SLC35F4: variants seen among roughly 807,000 people sequenced by gnomAD.
The protein encoded by SLC35F4 is solute carrier family 35 member F4, also known as chromosome 14 open reading frame 36.
A neutral mutation model predicts 44.2 loss-of-function variants in SLC35F4; 24 were observed. That is an observed-to-expected ratio of 0.54 (90% confidence interval 0.39 to 0.76). The LOEUF (loss-of-function observed/expected upper bound fraction) is 0.76. SLC35F4 is among the 30% of genes least tolerant of loss of function. The pLI is 0.00. For missense variants in SLC35F4, 562 were observed against 586.1 expected (o/e 0.96, Z 0.42); for synonymous variants, 238 against 223.6 (o/e 1.06, Z -0.57).
At chr14:57,630,465 G>A in intron 1 of SLC35F4, 3 of 838,648 alleles carry the variant, frequency 3.6e-6, no homozygotes, top group Non-Finnish European at 6.2e-6. Flanking sequence ...CAGCCCAAGA[G>A]AGAAATGAAG....
intron 1 of SLC35F4, among the ~76,000 whole-genome samples, chr14:57,769,745 T>C (rs2077317508): frequency 6.6e-6 from 1 of 152,206 alleles, no homozygotes; most frequent in African/African-American, 2.4e-5. Context: ...GGATACTTTA[T>C]ACAATGTTTC....
chr14:57,680,623 CG>C (rs2074866167), intron 1 of SLC35F4, among the ~76,000 whole-genome samples: 1 of 152,072 alleles, frequency 6.6e-6, no homozygotes, highest in South Asian at 2.1e-4. Context: ...GAAAACCCCA[CG>C]GCCTCAGCCC....
chr14:57,767,987 A>T (rs1437250185), intron 1 of SLC35F4, among the ~76,000 whole-genome samples: 1 of 152,202 alleles, frequency 6.6e-6, no homozygotes, highest in Non-Finnish European at 1.5e-5. Context: ...TCCTATTACC[A>T]TTACAGAAAC....
Position 57,564,091 on chromosome 14 carries a change from A to G in SLC35F4, c.*44T>C. Reference sequence around the variant, plus strand: ...ACAGGTAGTGAGAAAATTTTGTTATATTCACAGAATATACATACACGTGCA... The same window carrying G: ...ACAGGTAGTGAGAAAATTTTGTTATGTTCACAGAATATACATACACGTGCA... On this transcript the variant is annotated 3_prime_UTR_variant, in exon 8 of 8. Coordinates refer to ENST00000556826, the MANE Select transcript of SLC35F4 (RefSeq NM_001306087.2). The G allele has an allele frequency of 6.2e-7, 1 of 1,601,018 alleles. No homozygotes were observed. The highest frequency in any genetic ancestry group is 8.5e-7 in the Non-Finnish European group (1 of 1,170,858).
At chr14:57,583,411 A>C (rs1247583976) in intron 3 of SLC35F4, among the ~76,000 whole-genome samples, 1 of 152,144 alleles carries the variant, frequency 6.6e-6, no homozygotes, top group Non-Finnish European at 1.5e-5. Flanking sequence ...CCACAACAAA[A>C]CCCATTCCTG....
intron 1 of SLC35F4, among the ~76,000 whole-genome samples, chr14:57,618,827 G>A (rs2072010552): frequency 1.3e-5 from 2 of 152,170 alleles, no homozygotes; most frequent in Admixed American, 6.5e-5. Flanking sequence ...AGTCTGAGGT[G>A]GACCTGGGAT....
intron 1 of SLC35F4, among the ~76,000 whole-genome samples, chr14:57,768,750 T>G (rs1003862371): frequency 1.5e-5 from 2 of 136,602 alleles, no homozygotes; most frequent in Non-Finnish European, 3.4e-5. Flanking sequence ...GGGTTCTTGG[T>G]TTTTTTTTTT....
At chr14:57,721,412 C>G (rs141953453) in intron 1 of SLC35F4, among the ~76,000 whole-genome samples, 2 of 152,184 alleles carry the variant, frequency 1.3e-5, no homozygotes, top group East Asian at 3.9e-4. Flanking sequence ...GTTCAGTGGA[C>G]AAAGTGATGG....
intron 1 of SLC35F4, among the ~76,000 whole-genome samples, chr14:57,971,613 T>G (rs770507983): frequency 3.9e-5 from 6 of 152,202 alleles, no homozygotes; most frequent in South Asian, 2.1e-4. Context: ...TGGAGGACTA[T>G]GCTAAGTAAA....
intron 1 of SLC35F4, among the ~76,000 whole-genome samples, chr14:57,746,273 A>G (rs901567424): frequency 1.3e-5 from 2 of 152,166 alleles, no homozygotes; most frequent in Non-Finnish European, 2.9e-5. Context: ...ACCATTGTTT[A>G]TGATGTTAAC....
intron 1 of SLC35F4, among the ~76,000 whole-genome samples, chr14:57,739,714 A>T (rs553476091): frequency 3.3e-5 from 5 of 152,192 alleles, no homozygotes; most frequent in Middle Eastern, 3.2e-3. Context: ...AAACCTGCCC[A>T]TGCCATTTAT....
At chr14:57,637,307 T>G (rs75625332) in intron 1 of SLC35F4, among the ~76,000 whole-genome samples, 1 of 151,980 alleles carries the variant, frequency 6.6e-6, no homozygotes, top group African/African-American at 2.4e-5. Flanking sequence ...AATCTTACAA[T>G]TGAACTCCTC....
At chr14:57,625,420 T>C (rs1052699368) in intron 1 of SLC35F4, among the ~76,000 whole-genome samples, 3 of 152,144 alleles carry the variant, frequency 2.0e-5, no homozygotes, top group East Asian at 3.9e-4. Flanking sequence ...CAAGCTACCA[T>C]TGACTTTCTT....
intron 6 of SLC35F4, 94 bp from the exon 7 acceptor site, chr14:57,566,658 G>A (rs957054606): frequency 7.9e-7 from 1 of 1,260,420 alleles, no homozygotes; most frequent in Non-Finnish European, 1.1e-6. Context: ...TTTGCTACAT[G>A]TGCCTTTTAA....
chr14:57,648,420 C>T (rs1369557698), intron 1 of SLC35F4, among the ~76,000 whole-genome samples: 2 of 152,090 alleles, frequency 1.3e-5, no homozygotes, highest in African/African-American at 4.8e-5. Context: ...TTCAAATAAA[C>T]ATAAAATAAA....
At chr14:57,698,341 A>G (rs1361931585) in intron 1 of SLC35F4, among the ~76,000 whole-genome samples, 2 of 152,180 alleles carry the variant, frequency 1.3e-5, no homozygotes, top group Non-Finnish European at 2.9e-5. Flanking sequence ...CTTAGGATGA[A>G]TTCATACAAG....
At chr14:57,886,507 T>A (rs929704047) in intron 1 of SLC35F4, among the ~76,000 whole-genome samples, 1 of 152,188 alleles carries the variant, frequency 6.6e-6, no homozygotes, top group Non-Finnish European at 1.5e-5. Flanking sequence ...AGGTAGGGGA[T>A]AAAATCATAT....
At chr14:57,794,029 TC>T (rs1419979263) in intron 1 of SLC35F4, among the ~76,000 whole-genome samples, 1 of 152,026 alleles carries the variant, frequency 6.6e-6, no homozygotes. Flanking sequence ...AAAACTAGAT[TC>T]CTATCTTTCA....
chr14:57,668,166 C>T (rs1408167013), intron 1 of SLC35F4, among the ~76,000 whole-genome samples: 2 of 150,946 alleles, frequency 1.3e-5, no homozygotes, highest in Admixed American at 6.6e-5. Flanking sequence ...CCTTTGCCCA[C>T]TTTTTGATGG....
Sources: allele counts gnomAD v4.1 joint callset (sites outside exome capture counted in the v4.1 genomes callset), GRCh38; gene constraint gnomAD v4.1.1; transcripts MANE v1.5; gene names NCBI Gene and HGNC (gene_info 2026-07-23, HGNC 2026-07-21).